Variants in BAIAP2 observed in about 807,000 individuals in gnomAD.
BAIAP2 encodes the protein BAR/IMD domain containing adaptor protein 2.
A neutral mutation model predicts 63.0 loss-of-function variants in BAIAP2; 18 were observed. The observed-to-expected ratio is 0.29, with a 90% CI of 0.20 to 0.42. BAIAP2 has a LOEUF of 0.42. Ranked by LOEUF, BAIAP2 falls within the 10% of genes least tolerant of loss-of-function variation. The pLI is 1.00. For synonymous variants in BAIAP2, 386 were observed against 307.6 expected (o/e 1.25, Z -2.67); for missense variants, 610 against 734.3 (o/e 0.83, Z 1.96).
intron 4 of BAIAP2, 147 bp from the exon 5 acceptor site, chr17:81,085,507 A>C (rs745621874): frequency 1.4e-6 from 1 of 719,090 alleles, no homozygotes; most frequent in South Asian, 1.5e-5. Context: ...ATGCGGGGCC[A>C]CAGCTCATCA....
At chr17:81,112,368 G>A (rs2060021288) in intron 13 of BAIAP2, among the ~76,000 whole-genome samples, 3 of 152,360 alleles carry the variant, frequency 2.0e-5, no homozygotes, top group Non-Finnish European at 2.9e-5. Context: ...CCAGTTTCCC[G>A]GCCACGCAGT....
At chr17:81,053,535 C>A in intron 1 of BAIAP2, 133 bp from the exon 2 acceptor site, 1 of 903,162 alleles carries the variant, frequency 1.1e-6, no homozygotes, top group East Asian at 2.4e-5. Context: ...CTTGGGAAGC[C>A]CACCTTGAGC....
At position 81,114,673 on chromosome 17, in the gene BAIAP2, A is replaced by ATTCT. The variant is rs1477089329; in HGVS notation, c.1536-1097_1536-1096insTTCT. Among the ~76,000 whole-genome samples, 56 of 152,210 alleles carry ATTCT rather than the reference A, an allele frequency of 3.7e-4. 1 individual carries two copies. The highest frequency in any genetic ancestry group is 3.6e-3 in the Admixed American group (55 of 15,276). On this transcript the variant is annotated intron_variant, in intron 13 of 13. Coordinates refer to ENST00000428708, the MANE Select transcript of BAIAP2 (RefSeq NM_001144888.2). ...GTCTGTAGTGTTTCAAGTTCTTAGA[A>ATTCT]AACACAAAGTCCTCAGGAAAGCTTA...
intron 6 of BAIAP2, among the ~76,000 whole-genome samples, chr17:81,093,990 C>T (rs554037448): frequency 7.0e-6 from 1 of 143,130 alleles, no homozygotes; most frequent in African/African-American, 2.5e-5. Flanking sequence ...GGAGTAACAT[C>T]TCTGAGGGGT....
chr17:81,056,513 A>G (rs62072977), intron 2 of BAIAP2: 24,031 of 152,244 alleles, frequency 0.16, 2,221 homozygotes, highest in Middle Eastern at 0.25. Context: ...CACACGGGGA[A>G]GTGGTGTGGA....
intron 13 of BAIAP2, among the ~76,000 whole-genome samples, chr17:81,111,142 A>C (rs2059882086): frequency 6.6e-6 from 1 of 152,052 alleles, no homozygotes; most frequent in African/African-American, 2.4e-5. Flanking sequence ...CCTTGGGTTC[A>C]TGGTATCTTT....
intron 13 of BAIAP2, chr17:81,110,968 C>T: frequency 6.2e-7 from 1 of 1,613,818 alleles, no homozygotes; most frequent in Non-Finnish European, 8.5e-7. Context: ...TAGTAAGTTG[C>T]CTGGCGTTCT....
chr17:81,037,582 C>T lies in BAIAP2; in HGVS notation c.54+2274C>T, dbSNP rs1003818924. On this transcript the variant is annotated intron_variant, in intron 1 of 13. Transcript: ENST00000428708. ...AGGCCACCGGTGTGCACTCCTGGGC[C>T]GGTCCAGCCGGTCCAGGCAGTGCTG... Among the ~76,000 whole-genome samples, 8 of 152,276 alleles carry T rather than the reference C, an allele frequency of 5.3e-5. No homozygotes were observed. The South Asian group carries it at 1.0e-3, about 20-fold the overall frequency.
At chr17:81,045,860 G>A (rs1172982364) in intron 1 of BAIAP2, among the ~76,000 whole-genome samples, 1 of 152,166 alleles carries the variant, frequency 6.6e-6, no homozygotes, top group African/African-American at 2.4e-5. Flanking sequence ...GAAGCCTAGT[G>A]GCCCCTCCTG....
chr17:81,087,809 T>G (rs1387813875), intron 6 of BAIAP2: 1 of 152,320 alleles, frequency 6.6e-6, no homozygotes, highest in African/African-American at 2.4e-5. Context: ...CCTCTTCCCG[T>G]GTCCCCAGCC....
intron 1 of BAIAP2, among the ~76,000 whole-genome samples, chr17:81,052,477 C>T (rs561968958): frequency 5.4e-4 from 82 of 152,338 alleles, no homozygotes; most frequent in African/African-American, 1.4e-3. Context: ...GCGTTACCAC[C>T]GGAGGGTCCA....
At chr17:81,035,408 C>CTG in intron 1 of BAIAP2, 100 bp downstream of exon 1, 3 of 677,696 alleles carry the variant, frequency 4.4e-6, no homozygotes, top group Non-Finnish European at 5.5e-6. Flanking sequence ...CGGGGCCGCG[C>CTG]GCCGGGCCAG....
At chr17:81,063,122 A>T (rs945899311) in intron 3 of BAIAP2, among the ~76,000 whole-genome samples, 5 of 152,026 alleles carry the variant, frequency 3.3e-5, no homozygotes, top group African/African-American at 1.2e-4. Context: ...GGAGGGGTGA[A>T]GGAGAGGGGC....
intron 6 of BAIAP2, among the ~76,000 whole-genome samples, chr17:81,099,651 CCTG>C (rs914506028): frequency 3.9e-5 from 6 of 152,110 alleles, no homozygotes; most frequent in African/African-American, 1.4e-4. Context: ...GCCAGAGCCT[CCTG>C]CTGGAGGCAG....
intron 13 of BAIAP2, among the ~76,000 whole-genome samples, chr17:81,112,526 C>T (rs889588259): frequency 4.3e-4 from 65 of 152,224 alleles, no homozygotes; most frequent in Non-Finnish European, 8.5e-4. Flanking sequence ...GAGGGGCGAG[C>T]GTCCCTGGCC....
rs1157052102 is a variant in BAIAP2, at chr17:81,117,297, TC to T, written c.*1459del. The stretch of plus-strand genomic sequence containing the variant: ...CCTCAGAAGACAACACACAAAGGTT[TC>T]TTTTGTCTTAGCTTCATTTCTCTTA... On this transcript the variant is annotated 3_prime_UTR_variant, in exon 14 of 14. Coordinates refer to ENST00000428708, the MANE Select transcript of BAIAP2 (RefSeq NM_001144888.2). 1 of 152,248 alleles carries T rather than the reference TC, an allele frequency of 6.6e-6. No homozygotes were observed. The highest frequency in any genetic ancestry group is 1.9e-4 in the East Asian group (1 of 5,194). 9.4% of individuals were successfully genotyped at this position (152,248 alleles called of 1,614,324 possible). A position where few individuals can be genotyped will look rare whatever the true frequency, so the allele number is the denominator to read the frequency against.
chr17:81,106,840 T>G lies in BAIAP2; in HGVS notation c.1433T>G (p.Phe478Cys). The change falls in exon 12 of 14, where the codon TTC (phenylalanine) becomes TGC (cysteine). Residue 478 changes from phenylalanine to cysteine, a missense_variant. Physicochemically the swap from Phe to Cys is radical, Grantham distance 205. Transcript: ENST00000428708. Reference sequence around the variant, plus strand: ...GATTACGGCGCCGCCTCCCGGGCCTTCCCCGCCCAGACGGCCAGCGGCTTC... The same window carrying G: ...GATTACGGCGCCGCCTCCCGGGCCTGCCCCGCCCAGACGGCCAGCGGCTTC... Reference protein sequence around the residue: ...PPDYGAASRAFPAQTASGFKQ... With the variant: ...PPDYGAASRACPAQTASGFKQ... The G allele has an allele frequency of 6.2e-7, 1 of 1,610,358 alleles. No homozygotes were observed. Among genetic ancestry groups the G allele is most frequent in the Non-Finnish European group, 8.5e-7 (1 of 1,178,726 alleles).
chr17:81,053,315 G>C, intron 1 of BAIAP2: 1 of 260,514 alleles, frequency 3.8e-6, no homozygotes, highest in South Asian at 4.8e-5. Flanking sequence ...GGCTGACTCA[G>C]CCGCGCCAAT....
intron 7 of BAIAP2, among the ~76,000 whole-genome samples, chr17:81,100,603 C>T: frequency 6.6e-6 from 1 of 152,240 alleles, no homozygotes; most frequent in Non-Finnish European, 1.5e-5. Context: ...CACCCAAGAC[C>T]ACTGTGCCAC....
Sources: gnomAD v4.1 joint callset for allele counts (sites outside exome capture counted in the v4.1 genomes callset) on GRCh38, gnomAD v4.1.1 for gene constraint, MANE v1.5 for transcripts, NCBI Gene and HGNC (gene_info 2026-07-23, HGNC 2026-07-21) for gene names.